The following CLRN1 variants were observed in gnomAD, a reference collection of about 807,000 sequenced individuals.
The protein encoded by CLRN1 is clarin-1.
CLRN1 carries 15 observed loss-of-function variants against 18.7 expected under a neutral mutation model. That is an observed-to-expected ratio of 0.80 (90% CI 0.54 to 1.23). CLRN1 has a LOEUF of 1.23. CLRN1 is among the 50% of genes most tolerant of loss of function. The pLI is 0.00. For missense variants in CLRN1, 311 were observed against 277.5 expected (o/e 1.12, Z -0.86); for synonymous variants, 104 against 102.9 (o/e 1.01, Z -0.07).
intron 1 of CLRN1, among the ~76,000 whole-genome samples, chr3:150,956,171 C>G (rs968278287): frequency 6.6e-6 from 1 of 152,140 alleles, no homozygotes; most frequent in African/African-American, 2.4e-5. Flanking sequence ...TAAGCACACA[C>G]ATTTTTCTTT....
At chr3:150,935,363 C>G (rs557114769) in intron 2 of CLRN1, among the ~76,000 whole-genome samples, 51 of 145,384 alleles carry the variant, frequency 3.5e-4, no homozygotes, top group African/African-American at 1.2e-3. Context: ...TCTCATCGTT[C>G]AATTCCCACC....
intron 1 of CLRN1, among the ~76,000 whole-genome samples, chr3:150,942,165 G>A (rs1011900000): frequency 2.0e-4 from 31 of 151,738 alleles, no homozygotes; most frequent in Non-Finnish European, 7.4e-5. Context: ...GGATATCTGG[G>A]GAGTTCAAAT....
chr3:150,943,813 C>T (rs548378991), intron 1 of CLRN1: 1 of 1,614,152 alleles, frequency 6.2e-7, no homozygotes. Context: ...GTTGCAGGCA[C>T]CCCTACCTGG....
intron 2 of CLRN1, among the ~76,000 whole-genome samples, chr3:150,941,263 G>T (rs951210568): frequency 6.7e-6 from 1 of 149,406 alleles, no homozygotes; most frequent in Non-Finnish European, 1.5e-5. Context: ...AATCAAATTA[G>T]GTTCACAATG....
rs752143225 is a variant in CLRN1 at position 150,972,558 on chromosome 3, C to G, written c.151G>C (p.Gly51Arg). 6.2e-7 allele frequency: 1 copy of G among 1,614,262 alleles called. No individual in the cohort carries two copies. Among genetic ancestry groups the G allele is most frequent in the Non-Finnish European group, 8.5e-7 (1 of 1,180,046 alleles). The change falls in exon 1 of 3, where the codon GGG becomes CGG. Residue 51 changes from glycine to arginine, a missense_variant. Gly to Arg is a moderately radical substitution (Grantham distance 125). Coordinates refer to ENST00000327047, the MANE Select transcript of CLRN1 (RefSeq NM_174878.3). ...KTGALLVNAS[G>R]QELDKFMGEM... The stretch of plus-strand genomic sequence containing the variant: ...CCCATAAACTTGTCCAGCTCCTGCC[C>G]TGAGGCATTGACGAGCAGAGCTCCC...
chr3:150,969,822 A>G, intron 1 of CLRN1, among the ~76,000 whole-genome samples: 1 of 152,138 alleles, frequency 6.6e-6, no homozygotes, highest in Non-Finnish European at 1.5e-5. Flanking sequence ...AATACAAAAA[A>G]AAAATTAGCT....
intron 1 of CLRN1, chr3:150,945,723 AT>A: frequency 9.9e-7 from 1 of 1,011,826 alleles, no homozygotes; most frequent in Non-Finnish European, 1.3e-6. Context: ...TTGAGATACC[AT>A]TTTCAATACA....
At chr3:150,959,402 GT>G (rs1285945014) in intron 1 of CLRN1, among the ~76,000 whole-genome samples, 1 of 152,146 alleles carries the variant, frequency 6.6e-6, no homozygotes, top group East Asian at 1.9e-4. Context: ...GCTGAGGCGG[GT>G]GGATCACCTG....
intron 2 of CLRN1, among the ~76,000 whole-genome samples, chr3:150,929,440 T>G (rs1713015227): frequency 6.6e-6 from 1 of 152,196 alleles, no homozygotes; most frequent in Non-Finnish European, 1.5e-5. Flanking sequence ...AGGGTTCCAG[T>G]TAATAGGAGA....
At chr3:150,942,956 C>T (rs1359926233) in intron 1 of CLRN1, among the ~76,000 whole-genome samples, 15 of 152,148 alleles carry the variant, frequency 9.9e-5, no homozygotes, top group Non-Finnish European at 4.4e-5. Flanking sequence ...GAGAGAAAGG[C>T]TGCCTGGAGG....
intron 1 of CLRN1, among the ~76,000 whole-genome samples, chr3:150,962,081 C>A (rs1021102794): frequency 1.3e-5 from 2 of 152,176 alleles, no homozygotes; most frequent in Non-Finnish European, 2.9e-5. Context: ...CCCACGGTGG[C>A]TTAGGGATGA....
intron 1 of CLRN1, among the ~76,000 whole-genome samples, chr3:150,964,442 T>G (rs4434182): frequency 0.18 from 27,446 of 151,996 alleles, 2,700 homozygotes; most frequent in East Asian, 0.39. Context: ...TAGGAACGCT[T>G]TTACACTGTT....
chr3:150,926,790 T>C lies in CLRN1; in HGVS notation c.*1146A>G, dbSNP rs1319828358. On this transcript the variant is annotated 3_prime_UTR_variant, in exon 3 of 3. Transcript: ENST00000327047. The stretch of plus-strand genomic sequence containing the variant: ...TGATCTGTTTGCTGTCATTCTCTGC[T>C]TTTTCCTTGGTGCTTTCTGGAGGAC... The C allele has an allele frequency of 6.2e-7, 1 of 1,613,836 alleles. No homozygotes were observed. The highest frequency in any genetic ancestry group is 8.5e-7 in the Non-Finnish European group (1 of 1,179,892).
At chr3:150,969,824 A>C (rs562777894) in intron 1 of CLRN1, among the ~76,000 whole-genome samples, 51 of 152,120 alleles carry the variant, frequency 3.4e-4, no homozygotes, top group Non-Finnish European at 5.7e-4. Flanking sequence ...TACAAAAAAA[A>C]AATTAGCTGG....
intron 1 of CLRN1, among the ~76,000 whole-genome samples, chr3:150,949,654 C>G (rs958562139): frequency 6.6e-6 from 1 of 152,108 alleles, no homozygotes; most frequent in African/African-American, 2.4e-5. Context: ...TGAATAATCT[C>G]TACAATATGA....
At chr3:150,953,474 C>T (rs1714589560) in intron 1 of CLRN1, among the ~76,000 whole-genome samples, 1 of 152,018 alleles carries the variant, frequency 6.6e-6, no homozygotes, top group Admixed American at 6.6e-5. Flanking sequence ...AGCAATAATG[C>T]AAGTAATAAC....
intron 1 of CLRN1, among the ~76,000 whole-genome samples, chr3:150,971,106 C>G (rs190984729): frequency 6.6e-6 from 1 of 152,146 alleles, no homozygotes; most frequent in Non-Finnish European, 1.5e-5. Flanking sequence ...CTTTGGCTGC[C>G]GGTGACTCAC....
intron 1 of CLRN1, among the ~76,000 whole-genome samples, chr3:150,949,565 G>A (rs35455504): frequency 0.48 from 73,355 of 151,906 alleles, 18,903 homozygotes; most frequent in East Asian, 0.59. Flanking sequence ...CCAAGCTGAG[G>A]GCCAAATCAG....
intron 2 of CLRN1, among the ~76,000 whole-genome samples, chr3:150,929,225 G>A (rs1559977123): frequency 6.6e-6 from 1 of 152,178 alleles, no homozygotes; most frequent in East Asian, 1.9e-4. Flanking sequence ...TGAGATTGCT[G>A]TGGGACAGGG....
Sources: gnomAD v4.1 joint callset for allele counts (sites outside exome capture counted in the v4.1 genomes callset) on GRCh38, gnomAD v4.1.1 for gene constraint, MANE v1.5 for transcripts, NCBI Gene and HGNC (gene_info 2026-07-23, HGNC 2026-07-21) for gene names.